Variants in AFF3 observed in about 807,000 individuals in gnomAD.
AFF3 encodes ALF transcription elongation factor 3, also known as AF4/FMR2 family member 3.
In AFF3, 32 loss-of-function variants were observed where a neutral mutation model predicts 129.7. The observed-to-expected ratio is 0.25, with a 90% CI of 0.19 to 0.33. The LOEUF is 0.33. Among genes scored for constraint, AFF3 ranks in the 10% least tolerant of loss-of-function variants. The probability of loss-of-function intolerance (pLI) is 1.00; values close to 1 mark genes in which losing one functional copy is unlikely to be tolerated. For synonymous variants in AFF3, 644 were observed against 635.4 expected, an observed-to-expected ratio of 1.01 and a Z score of -0.20; for missense variants, 1,373 against 1,592.0, an observed-to-expected ratio of 0.86 and a Z score of 2.34.
At chr2:99,777,947 C>CAAAAAAAAAAAAAAAAAAAAAA (rs576434643) in intron 8 of AFF3, among the ~76,000 whole-genome samples, 3 of 48,314 alleles carry the variant, frequency 6.2e-5, no homozygotes, top group Non-Finnish European at 7.6e-5. Flanking sequence ...AAAGCAAAAG[C>CAAAAAAAAAAAAAAAAAAAAAA]AAAAAAAAAA....
At chr2:99,987,900 A>G (rs1680005972) in intron 7 of AFF3, among the ~76,000 whole-genome samples, 1 of 152,242 alleles carries the variant, frequency 6.6e-6, no homozygotes, top group African/African-American at 2.4e-5. Flanking sequence ...ATGAAAAAGA[A>G]CTGCTCTGTG....
chr2:100,013,057 C>G (rs1333812514), intron 4 of AFF3, among the ~76,000 whole-genome samples: 1 of 152,082 alleles, frequency 6.6e-6, no homozygotes, highest in Non-Finnish European at 1.5e-5. Flanking sequence ...CCTTTTTAAT[C>G]AACTCCTTTT....
chr2:100,131,641 G>A (rs1252761919), intron 1 of AFF3, among the ~76,000 whole-genome samples: 1 of 151,998 alleles, frequency 6.6e-6, no homozygotes, highest in Non-Finnish European at 1.5e-5. Flanking sequence ...TGTATTTTTA[G>A]TAGAGACGGG....
chr2:100,017,043 T>C (rs1411396753), intron 4 of AFF3, among the ~76,000 whole-genome samples: 4 of 151,858 alleles, frequency 2.6e-5, no homozygotes, highest in Non-Finnish European at 4.4e-5. Flanking sequence ...GTGGTGATGA[T>C]GACGATGCTG....
intron 7 of AFF3, among the ~76,000 whole-genome samples, chr2:99,936,283 G>A (rs1380597695): frequency 1.3e-5 from 2 of 152,116 alleles, no homozygotes; most frequent in African/African-American, 4.8e-5. Flanking sequence ...AGCCTGGTGG[G>A]GCTATGTGGG....
intron 7 of AFF3, among the ~76,000 whole-genome samples, chr2:99,877,662 T>C (rs1692403163): frequency 6.6e-6 from 1 of 152,218 alleles, no homozygotes; most frequent in Non-Finnish European, 1.5e-5. Context: ...AAAGATTAAA[T>C]GAAAACATAA....
intron 7 of AFF3, among the ~76,000 whole-genome samples, chr2:99,840,468 C>G (rs12467176): frequency 0.11 from 16,127 of 152,234 alleles, 1,053 homozygotes; most frequent in Admixed American, 0.21. Flanking sequence ...GTGCAAGGCA[C>G]AGCCACTGCT....
intron 8 of AFF3, among the ~76,000 whole-genome samples, chr2:99,823,798 G>C (rs1364978654): frequency 6.6e-6 from 1 of 152,162 alleles, no homozygotes; most frequent in Non-Finnish European, 1.5e-5. Context: ...TCTGTCCCTT[G>C]CGGCAACGTG....
chr2:99,840,529 C>T (rs1314129373), intron 7 of AFF3, among the ~76,000 whole-genome samples: 1 of 152,138 alleles, frequency 6.6e-6, no homozygotes, highest in Non-Finnish European at 1.5e-5. Context: ...CCTTATAAGC[C>T]AAGAAAAATA....
At chr2:99,599,281 C>T (rs1238681161) in intron 14 of AFF3, among the ~76,000 whole-genome samples, 3 of 152,192 alleles carry the variant, frequency 2.0e-5, no homozygotes, top group African/African-American at 7.2e-5. Flanking sequence ...TTCTTTGAGA[C>T]GGAGTCTCGC....
At chr2:99,751,694 G>C (rs1291490430) in intron 9 of AFF3, among the ~76,000 whole-genome samples, 3 of 152,204 alleles carry the variant, frequency 2.0e-5, no homozygotes, top group African/African-American at 7.2e-5. Context: ...AAGCCTATTA[G>C]ACTCATGTAT....
intron 13 of AFF3, among the ~76,000 whole-genome samples, chr2:99,609,562 A>G (rs2105185087): frequency 6.6e-6 from 1 of 152,338 alleles, no homozygotes; most frequent in Non-Finnish European, 1.5e-5. Flanking sequence ...CCATTAATTC[A>G]TTCGTTTTCA....
chr2:99,671,632 T>C (rs1687152910), intron 12 of AFF3, among the ~76,000 whole-genome samples: 2 of 152,158 alleles, frequency 1.3e-5, no homozygotes, highest in Non-Finnish European at 2.9e-5. Flanking sequence ...TTCTATTAAT[T>C]CACTATTCCA....
intron 4 of AFF3, among the ~76,000 whole-genome samples, chr2:100,038,412 C>A (rs1423539598): frequency 6.6e-6 from 1 of 151,346 alleles, no homozygotes; most frequent in Admixed American, 6.6e-5. Flanking sequence ...AAGAGAAGGG[C>A]TGCTCTGATC....
intron 7 of AFF3, among the ~76,000 whole-genome samples, chr2:99,921,746 A>G (rs1237977712): frequency 1.3e-5 from 2 of 152,156 alleles, no homozygotes; most frequent in Non-Finnish European, 2.9e-5. Context: ...CTGTTCATCA[A>G]AGAGTACCAT....
chr2:99,770,537 TTTTC>T (rs1683390632), intron 8 of AFF3, among the ~76,000 whole-genome samples: 1 of 152,118 alleles, frequency 6.6e-6, no homozygotes, highest in Non-Finnish European at 1.5e-5. Flanking sequence ...TTCCTTCTGC[TTTTC>T]TAAGCAGAAG....
intron 11 of AFF3, among the ~76,000 whole-genome samples, chr2:99,718,283 T>C (rs1036421812): frequency 1.6e-4 from 24 of 152,232 alleles, no homozygotes; most frequent in African/African-American, 5.3e-4. Context: ...ACTATCAAGT[T>C]TTCCAATTCA....
At chr2:99,681,258 AG>A (rs1674500475) in intron 11 of AFF3, among the ~76,000 whole-genome samples, 1 of 152,222 alleles carries the variant, frequency 6.6e-6, no homozygotes, top group Non-Finnish European at 1.5e-5. Flanking sequence ...CATTAATATA[AG>A]GGGATGATAG....
At chr2:99,800,676 C>T (rs1247684024) in intron 8 of AFF3, among the ~76,000 whole-genome samples, 6 of 152,226 alleles carry the variant, frequency 3.9e-5, no homozygotes, top group South Asian at 2.1e-4. Flanking sequence ...ACAACCCAAA[C>T]GTCCTCTGAC....
Sources: allele counts gnomAD v4.1 joint callset (sites outside exome capture counted in the v4.1 genomes callset), GRCh38; gene constraint gnomAD v4.1.1; transcripts MANE v1.5; gene names NCBI Gene and HGNC (gene_info 2026-07-23, HGNC 2026-07-21).